The following SLC2A8 variants were observed in gnomAD, a reference collection of about 807,000 sequenced individuals.
The protein encoded by SLC2A8 is solute carrier family 2, facilitated glucose transporter member 8.
In SLC2A8, 53 loss-of-function variants were observed where a neutral mutation model predicts 49.2. The ratio of observed to expected loss-of-function variants is 1.08; its 90% CI spans 0.86 to 1.35. The LOEUF (loss-of-function observed/expected upper bound fraction) is 1.35, where lower values mean the gene tolerates loss of function less well. SLC2A8 is among the 40% of genes most tolerant of loss of function. The pLI is 0.00. For missense variants in SLC2A8, 688 were observed against 671.7 expected, an observed-to-expected ratio of 1.02 and a Z score of -0.27; for synonymous variants, 299 against 297.0, an observed-to-expected ratio of 1.01 and a Z score of -0.07.
Position 127,402,621 on chromosome 9 carries a change from T to G in SLC2A8, c.591T>G (p.Leu197=). The G allele has an allele frequency of 1.9e-6, 3 of 1,598,332 alleles. No individual in the cohort carries two copies. The highest frequency in any genetic ancestry group is 1.3e-5 in the African/African-American group (1 of 74,854). Reference sequence around the variant, plus strand: ...GCGTGCCCCCCTCCCTCATGCTGCTTCTCATGTGCTTCATGCCCGAGACCC... The same window carrying G: ...GCGTGCCCCCCTCCCTCATGCTGCTGCTCATGTGCTTCATGCCCGAGACCC... ...LGCVPPSLML[L]LMCFMPETPR... is the part of the protein sequence containing the mutation. The change falls in exon 5 of 10, where the codon CTT becomes CTG. Residue 197 remains leucine (L), a synonymous_variant. Coordinates refer to ENST00000373371, the MANE Select transcript of SLC2A8 (RefSeq NM_014580.5).
chr9:127,404,091 C>T (rs770309711), intron 7 of SLC2A8, 24 bp downstream of exon 7: 1 of 1,509,044 alleles, frequency 6.6e-7, no homozygotes. Flanking sequence ...CCTGTGCAGC[C>T]TCCCCGCCAT....
chr9:127,400,479 A>T (rs1250925931), intron 4 of SLC2A8, among the ~76,000 whole-genome samples: 1 of 152,058 alleles, frequency 6.6e-6, no homozygotes, highest in Non-Finnish European at 1.5e-5. Flanking sequence ...CTTATGACTG[A>T]GTTCCAGGGA....
intron 8 of SLC2A8, 87 bp from the exon 9 acceptor site, chr9:127,405,333 G>C: frequency 6.7e-7 from 1 of 1,482,398 alleles, no homozygotes; most frequent in Non-Finnish European, 9.1e-7. Flanking sequence ...CCACAGGCTG[G>C]GAAGCTGGGT....
chr9:127,407,879 C>CAAAAAAAAAAAAAA lies in SLC2A8; in HGVS notation c.*634_*635insAAAAAAAAAAAAAA, dbSNP rs1833544015. On this transcript the variant is annotated 3_prime_UTR_variant, in exon 10 of 10. Coordinates refer to ENST00000373371, the MANE Select transcript of SLC2A8 (RefSeq NM_014580.5). ...TTAAAAAATAAACAGCAAAAAAAAA[C>CAAAAAAAAAAAAAA]AAAACAAAACAAAAAAAAACACCTT... 1 of 85,628 alleles carries CAAAAAAAAAAAAAA rather than the reference C, an allele frequency of 1.2e-5. No homozygotes were observed. The highest frequency in any genetic ancestry group is 2.7e-5 in the Non-Finnish European group (1 of 36,830). The allele number at this position is 85,628 out of a possible 1,614,324, so 5.3% of individuals were successfully genotyped here.
intron 5 of SLC2A8, among the ~76,000 whole-genome samples, chr9:127,402,987 AC>A (rs995254158): frequency 6.6e-6 from 1 of 152,138 alleles, no homozygotes; most frequent in African/African-American, 2.4e-5. Flanking sequence ...CCGAGCTTTG[AC>A]CCTTACTGTC....
chr9:127,405,396 G>T, intron 8 of SLC2A8, 24 bp from the exon 9 acceptor site: 1 of 1,610,770 alleles, frequency 6.2e-7, no homozygotes. Context: ...CCTGATGCCT[G>T]TCTTGCCTGT....
At position 127,400,017 on chromosome 9, in the gene SLC2A8, C is replaced by T; in HGVS notation, c.526+11C>T. 1 of 1,610,116 alleles carries T rather than the reference C, an allele frequency of 6.2e-7. No homozygotes were observed. The highest frequency in any genetic ancestry group is 8.5e-7 in the Non-Finnish European group (1 of 1,176,640). ...TGGCCTACCTGGCAGGTATAGTTGTCATTATCTCTTGCTTCCTGTTTGTGG... is the reference window on the plus strand; with the variant it reads ...TGGCCTACCTGGCAGGTATAGTTGTTATTATCTCTTGCTTCCTGTTTGTGG... On this transcript the variant is annotated intron_variant, in intron 4 of 9. Coordinates refer to ENST00000373371, the MANE Select transcript of SLC2A8 (RefSeq NM_014580.5).
chr9:127,407,407 G>T lies in SLC2A8; in HGVS notation c.*158G>T. On this transcript the variant is annotated 3_prime_UTR_variant, in exon 10 of 10. Transcript: ENST00000373371. Reference sequence around the variant, plus strand: ...TGCTCCCTCCAGCCCATGACCCGGGGCTAGGAGGCTCACTGCCTCCTGTTC... The same window carrying T: ...TGCTCCCTCCAGCCCATGACCCGGGTCTAGGAGGCTCACTGCCTCCTGTTC... 2 of 920,674 alleles carry T rather than the reference G, an allele frequency of 2.2e-6. No individual in the cohort carries two copies. Among genetic ancestry groups the T allele is most frequent in the African/African-American group, 1.6e-5 (1 of 61,062 alleles). The allele number at this position is 920,674 out of a possible 1,614,324, so 57.0% of individuals were successfully genotyped here.
At position 127,397,545 on chromosome 9, in the gene SLC2A8, C is replaced by A. The variant is rs1316516097; in HGVS notation, c.219+7C>A. On this transcript the variant is annotated splice_region_variant and intron_variant, in intron 2 of 9. Coordinates refer to ENST00000373371, the MANE Select transcript of SLC2A8 (RefSeq NM_014580.5). ...CGCCGCCTCCTGGTTCGGGGTGAGG[C>A]CCCGGGCTCGCTCCTCCCGCCCTGG... is the stretch of plus-strand genomic sequence containing the variant. 1.4e-6 allele frequency: 2 copies of A among 1,402,666 alleles called. No homozygotes were observed. Among genetic ancestry groups the A allele is most frequent in the Admixed American group, 3.5e-5 (1 of 28,438 alleles). 86.9% of individuals were successfully genotyped at this position (1,402,666 alleles called of 1,614,324 possible). A position where few individuals can be genotyped will look rare whatever the true frequency, so the allele number is the denominator to read the frequency against.
chr9:127,398,123 G>T lies in SLC2A8; in HGVS notation c.426+12G>T, dbSNP rs1210378451. On this transcript the variant is annotated intron_variant, in intron 3 of 9. Coordinates refer to ENST00000373371, the MANE Select transcript of SLC2A8 (RefSeq NM_014580.5). The stretch of plus-strand genomic sequence containing the variant: ...CCCTAGTGGCCCCGGTGAGTGTCCC[G>T]TCTCTCGAGTGTCCTGTCTCGCGGC... 6.4e-7 allele frequency: 1 copy of T among 1,568,442 alleles called. No homozygotes were observed. The highest frequency in any genetic ancestry group is 8.6e-7 in the Non-Finnish European group (1 of 1,159,870).
In SLC2A8 at chr9:127,397,508, C is replaced by A; in HGVS notation, c.189C>A (p.Arg63=). 11 of 1,439,290 alleles carry A rather than the reference C, an allele frequency of 7.6e-6. 1 individual carries two copies. The South Asian group carries it at 1.4e-4, about 18-fold the overall frequency. 89.2% of individuals were successfully genotyped at this position (1,439,290 alleles called of 1,614,324 possible). ...AGCGCGCCGCGCCCCCGGCCCCGCG[C>A]CTGGACGACGCCGCCGCCTCCTGGT... ...SLQRAAPPAP[R]LDDAAASWFG... Residue 63 remains arginine, a synonymous_variant, in exon 2 of 10, where the codon CGC becomes CGA. Transcript: ENST00000373371.
chr9:127,406,096 CAGAG>C (rs1490599530), intron 9 of SLC2A8: 2 of 517,384 alleles, frequency 3.9e-6, no homozygotes, highest in Non-Finnish European at 7.7e-6. Context: ...TCCCAGCCAA[CAGAG>C]AGACAGTTCT....
Position 127,398,008 on chromosome 9 carries a change from T to C in SLC2A8, c.323T>C (p.Val108Ala). The change falls in exon 3 of 10, where the codon GTG becomes GCG. Residue 108 changes from valine (V) to alanine (A), a missense_variant. Physicochemically the swap from Val to Ala is moderately conservative, Grantham distance 64. Coordinates refer to ENST00000373371, the MANE Select transcript of SLC2A8 (RefSeq NM_014580.5). ...CTCTTGCTGTGCTCCGTGCCCTTCG[T>C]GGCCGGCTTTGCCGTCATCACCGCG... Reference protein sequence around the residue: ...LSLLLCSVPFVAGFAVITAAQ... With the variant: ...LSLLLCSVPFAAGFAVITAAQ... 6.4e-7 allele frequency: 1 copy of C among 1,567,398 alleles called. No individual in the cohort carries two copies. The highest frequency in any genetic ancestry group is 2.3e-5 in the East Asian group (1 of 42,674).
chr9:127,400,197 G>A (rs1401869012), intron 4 of SLC2A8, among the ~76,000 whole-genome samples, 191 bp downstream of exon 4: 4 of 97,608 alleles, frequency 4.1e-5, no homozygotes, highest in Non-Finnish European at 6.3e-5. Flanking sequence ...ACAGAGTCCC[G>A]CTCTGTCGCC....
At chr9:127,398,286 A>G (rs1243649602) in intron 3 of SLC2A8, 175 bp downstream of exon 3, 2 of 797,606 alleles carry the variant, frequency 2.5e-6, no homozygotes, top group African/African-American at 3.4e-5. Flanking sequence ...GAAGGATCCT[A>G]CTGTTCTCTC....
intron 3 of SLC2A8, chr9:127,398,449 A>G (rs549867502): frequency 1.6e-6 from 1 of 617,820 alleles, no homozygotes; most frequent in East Asian, 3.4e-5. Context: ...CCTGCGGATG[A>G]TCCACAGGAG....
intron 9 of SLC2A8, 151 bp from the exon 10 acceptor site, chr9:127,406,961 A>C (rs1589014503): frequency 1.2e-6 from 1 of 824,364 alleles, no homozygotes; most frequent in Non-Finnish European, 1.9e-6. Context: ...TCCATGTCCC[A>C]GAGCTGGGTG....
At chr9:127,405,072 G>A in intron 8 of SLC2A8, 81 bp downstream of exon 8, 1 of 1,449,938 alleles carries the variant, frequency 6.9e-7, no homozygotes, top group South Asian at 1.3e-5. Flanking sequence ...GGCAGGTGGG[G>A]TCTTCCCCAG....
chr9:127,405,084 C>T (rs1833443154), intron 8 of SLC2A8, 93 bp downstream of exon 8: 4 of 1,328,406 alleles, frequency 3.0e-6, no homozygotes, highest in Non-Finnish European at 4.1e-6. Context: ...CTTCCCCAGC[C>T]TCACCTCTCC....
Sources: allele counts gnomAD v4.1 joint callset (sites outside exome capture counted in the v4.1 genomes callset), GRCh38; gene constraint gnomAD v4.1.1; transcripts MANE v1.5; gene names NCBI Gene and HGNC (gene_info 2026-07-23, HGNC 2026-07-21).